Variants in ZNF160 observed in about 807,000 individuals in gnomAD.
ZNF160 encodes zinc finger protein 160, also known as KRAB zinc finger protein KR18.
Under a neutral mutation model 13.1 loss-of-function variants are expected in ZNF160, and 9 were observed. The observed-to-expected ratio is 0.69, with a 90% CI of 0.41 to 1.20. The LOEUF (loss-of-function observed/expected upper bound fraction) is 1.20, where lower values mean the gene tolerates loss of function less well. ZNF160 is among the 50% of genes most tolerant of loss of function. The pLI, the probability that ZNF160 is intolerant of heterozygous loss-of-function variation, is 0.01. For synonymous variants in ZNF160, 293 were observed against 333.2 expected (o/e 0.88, Z 1.31); for missense variants, 838 against 988.0 (o/e 0.85, Z 2.04).
chr19:53,084,312 G>C (rs1249529588), intron 3 of ZNF160, among the ~76,000 whole-genome samples: 1 of 152,180 alleles, frequency 6.6e-6, no homozygotes, highest in Admixed American at 6.5e-5. Flanking sequence ...CCTTTTAAAA[G>C]CGCCTGCTTT....
At chr19:53,100,381 C>T (rs35433418) in intron 1 of ZNF160, among the ~76,000 whole-genome samples, 3 of 146,142 alleles carry the variant, frequency 2.1e-5, no homozygotes, top group Admixed American at 6.8e-5. Context: ...GAGGCTGAGG[C>T]GGGTGGATCA....
chr19:53,075,140 T>A lies in ZNF160; in HGVS notation c.59A>T (p.Glu20Val). 6.2e-7 allele frequency: 1 copy of A among 1,614,176 alleles called. No individual in the cohort carries two copies. The highest frequency in any genetic ancestry group is 8.5e-7 in the Non-Finnish European group (1 of 1,180,024). The change falls in exon 4 of 6, where the codon GAG becomes GTG. Residue 20 changes from glutamate (E) to valine (V), a missense_variant. By Grantham distance (121) the Glu-to-Val change is moderately radical. Around this residue, in one of 3 missense-constraint regions of ZNF160, gnomAD observed 387 missense variants for 402.3 expected, o/e 0.96. Coordinates refer to ENST00000683776, the MANE Select transcript of ZNF160 (RefSeq NM_001322131.2). ...AGCAGGGTCCAGGCATTTCCACTCC[T>A]CCTGAGAGAATTCTATGGCCACATC... ...FRDVAIEFSQ[E>V]EWKCLDPAQR...
chr19:53,087,699 C>T (rs329715), intron 2 of ZNF160, among the ~76,000 whole-genome samples: 105,175 of 150,786 alleles, frequency 0.7, 36,955 homozygotes, highest in African/African-American at 0.73. Flanking sequence ...TACAGGCGCC[C>T]GCCACCACGC....
chr19:53,074,228 C>T lies in ZNF160; in HGVS notation c.183G>A (p.Glu61=), dbSNP rs922625620. ...TCACAGTCCAGGGCTCTTTCCCTTC[C>T]TCCAACATGGAGATAATATTCATAT... ...HFDMNIISML[E]EGKEPWTVKS... The change falls in exon 5 of 6, where the codon GAG becomes GAA. Residue 61 remains glutamate (E), a synonymous_variant. Coordinates refer to ENST00000683776, the MANE Select transcript of ZNF160 (RefSeq NM_001322131.2). 23 of 1,614,130 alleles carry T rather than the reference C, an allele frequency of 1.4e-5. No homozygotes were observed. Among genetic ancestry groups the T allele is most frequent in the Non-Finnish European group, 1.9e-5 (23 of 1,180,016 alleles).
chr19:53,086,384 G>A lies in ZNF160; in HGVS notation c.-45-63C>T, dbSNP rs536692225. 5.7e-5 allele frequency: 82 copies of A among 1,426,258 alleles called. No homozygotes were observed. In the South Asian group the frequency reaches 9.7e-4, roughly 17 times the overall value. 88.4% of individuals were successfully genotyped at this position (1,426,258 alleles called of 1,614,324 possible). Reference sequence around the variant, plus strand: ...GAATATCCAAAATATGCTGCTTAGGGCTGAGAATCTATACATCCCCTTCAT... The same window carrying A: ...GAATATCCAAAATATGCTGCTTAGGACTGAGAATCTATACATCCCCTTCAT... On this transcript the variant is annotated intron_variant, in intron 2 of 5. Transcript: ENST00000683776.
intron 1 of ZNF160, among the ~76,000 whole-genome samples, chr19:53,098,424 C>T (rs2085315174): frequency 6.6e-6 from 1 of 152,180 alleles, no homozygotes; most frequent in South Asian, 2.1e-4. Context: ...CTGCTATCTG[C>T]AGGACAGTGG....
intron 3 of ZNF160, 40 bp from the exon 4 acceptor site, chr19:53,075,223 G>A (rs2084342845): frequency 1.2e-6 from 2 of 1,605,112 alleles, no homozygotes; most frequent in Non-Finnish European, 1.7e-6. Flanking sequence ...GCTAAGGGGA[G>A]AGTTCAAAAT....
intron 3 of ZNF160, among the ~76,000 whole-genome samples, chr19:53,081,002 A>G (rs1472966665): frequency 6.6e-6 from 1 of 152,224 alleles, no homozygotes; most frequent in Non-Finnish European, 1.5e-5. Flanking sequence ...TGGTGCTGGG[A>G]AAACTGGCTA....
At chr19:53,073,673 C>G (rs2084269444) in intron 5 of ZNF160, among the ~76,000 whole-genome samples, 1 of 152,144 alleles carries the variant, frequency 6.6e-6, no homozygotes, top group Non-Finnish European at 1.5e-5. Context: ...TCAGAAGGAA[C>G]CATAGAGTTC....
Position 53,090,503 on chromosome 19 carries a change from A to C in ZNF160, c.-46+910T>G, listed in dbSNP as rs1057291634. ...CTCTTTCTCCTGATCCCCTGTGGCC[A>C]CATATTTACAGGGAAGGGGATGGAA... On this transcript the variant is annotated intron_variant, in intron 2 of 5. Coordinates refer to ENST00000683776, the MANE Select transcript of ZNF160 (RefSeq NM_001322131.2). Among the ~76,000 whole-genome samples the C allele has an allele frequency of 1.8e-4, 28 of 152,040 alleles. 1 individual carries two copies. Among genetic ancestry groups the C allele is most frequent in the Non-Finnish European group, 2.8e-4 (19 of 68,024 alleles).
At chr19:53,076,099 A>G (rs1600830100) in intron 3 of ZNF160, 1 of 211,024 alleles carries the variant, frequency 4.7e-6, no homozygotes, top group Non-Finnish European at 9.7e-6. Flanking sequence ...TGTTTTTCCC[A>G]TATTTTCCTA....
chr19:53,072,460 A>G (rs1239954797), intron 5 of ZNF160, among the ~76,000 whole-genome samples: 1 of 152,242 alleles, frequency 6.6e-6, no homozygotes, highest in Admixed American at 6.5e-5. Flanking sequence ...ATGAAAATCA[A>G]CTAATAAGAT....
chr19:53,081,120 A>T (rs1352124466), intron 3 of ZNF160, among the ~76,000 whole-genome samples: 4 of 152,204 alleles, frequency 2.6e-5, no homozygotes, highest in Non-Finnish European at 5.9e-5. Flanking sequence ...AAAAATCTTA[A>T]AAGCAAACCT....
chr19:53,090,697 C>A (rs966394988), intron 2 of ZNF160, among the ~76,000 whole-genome samples: 7 of 152,018 alleles, frequency 4.6e-5, no homozygotes, highest in Non-Finnish European at 8.8e-5. Context: ...TCAATGAGAG[C>A]AAGATGGGAG....
At chr19:53,076,872 T>C (rs563210221) in intron 3 of ZNF160, 1 of 152,332 alleles carries the variant, frequency 6.6e-6, no homozygotes, top group Admixed American at 6.5e-5. Context: ...CATTTTCTCC[T>C]GGGGAGAGAA....
At chr19:53,101,594 T>C (rs1447582376) in intron 1 of ZNF160, among the ~76,000 whole-genome samples, 1 of 152,088 alleles carries the variant, frequency 6.6e-6, no homozygotes, top group Non-Finnish European at 1.5e-5. Context: ...CTGAATTAGA[T>C]AAGCTTCATC....
chr19:53,073,015 G>A (rs2084238667), intron 5 of ZNF160: 2 of 570,390 alleles, frequency 3.5e-6, no homozygotes, highest in Admixed American at 1.1e-4. Flanking sequence ...CTGATATTCT[G>A]TTATAGGTAT....
Position 53,074,138 on chromosome 19 carries a change from ACCTGTGACCACG to A in ZNF160, c.261_271+1del, listed in dbSNP as rs1568480832. On this transcript the variant is annotated splice_donor_variant and coding_sequence_variant, in exon 5 of 6. Transcript: ENST00000683776. LOFTEE classifies it high-confidence loss of function. ...CTTCTCTCTGCCCATCTGAGCTCTTACCTGTGACCACGCCTTTGACACATTCCGGCGTTCTTG... is the reference window on the plus strand; with the variant it reads ...CTTCTCTCTGCCCATCTGAGCTCTTACCTTTGACACATTCCGGCGTTCTTG... The A allele has an allele frequency of 6.2e-7, 1 of 1,613,530 alleles. No individual in the cohort carries two copies. The highest frequency in any genetic ancestry group is 2.2e-5 in the East Asian group (1 of 44,840).
intron 3 of ZNF160, among the ~76,000 whole-genome samples, chr19:53,082,146 A>C (rs2084656415): frequency 6.6e-6 from 1 of 152,182 alleles, no homozygotes; most frequent in African/African-American, 2.4e-5. Context: ...GGGCTGAAAA[A>C]CTATCTATCG....
Sources: gnomAD v4.1 joint callset for allele counts (sites outside exome capture counted in the v4.1 genomes callset) on GRCh38, gnomAD v4.1.1 for gene constraint, gnomAD v4.1.1 regional missense constraint, MANE v1.5 for transcripts, NCBI Gene and HGNC (gene_info 2026-07-23, HGNC 2026-07-21) for gene names.